Variants in CRB1 observed in about 807,000 individuals in gnomAD.
CRB1 encodes the protein crumbs cell polarity complex component 1.
In CRB1, 83 loss-of-function variants were observed where a neutral mutation model predicts 120.0. The observed-to-expected ratio is 0.69, with a 90% CI of 0.58 to 0.83. The LOEUF is 0.83. CRB1 is among the 40% of genes least tolerant of loss of function. The probability of loss-of-function intolerance (pLI) is 0.00; values close to 1 mark genes in which losing one functional copy is unlikely to be tolerated. For missense variants in CRB1, 1,699 were observed against 1,687.6 expected, an observed-to-expected ratio of 1.01 and a Z score of -0.12; for synonymous variants, 625 against 612.5, an observed-to-expected ratio of 1.02 and a Z score of -0.30.
At chr1:197,268,205 C>G, upstream of CRB1, 1 of 534,374 alleles carries the variant, frequency 1.9e-6, no homozygotes, top group Non-Finnish European at 3.4e-6. Context: ...TCACCCCATC[C>G]TCCCGTGTAA....
At chr1:197,353,864 C>T (rs79237084) in intron 4 of CRB1, among the ~76,000 whole-genome samples, 2,869 of 119,928 alleles carry the variant, frequency 0.024, 114 homozygotes, top group African/African-American at 0.081. Context: ...TACCACGTTA[C>T]AAAACACTTG....
At chr1:197,443,821 A>G (rs1665574052) in intron 11 of CRB1, 1 of 152,040 alleles carries the variant, frequency 6.6e-6, no homozygotes, top group South Asian at 2.1e-4. Context: ...AAACTTTCTT[A>G]ATGTTTTTAT....
intron 5 of CRB1, among the ~76,000 whole-genome samples, chr1:197,393,242 T>C (rs1662600462): frequency 6.6e-6 from 1 of 152,138 alleles, no homozygotes; most frequent in Non-Finnish European, 1.5e-5. Context: ...CAATGTGTTA[T>C]CTTTCTTTCT....
intron 5 of CRB1, among the ~76,000 whole-genome samples, chr1:197,395,593 G>A (rs1168729200): frequency 3.3e-5 from 5 of 152,024 alleles, no homozygotes; most frequent in African/African-American, 1.2e-4. Context: ...GGAACCCCAG[G>A]TCTTCTCTGT....
At chr1:197,218,907 A>G in the CRB1 span, among the ~76,000 whole-genome samples, 1 of 152,222 alleles carries the variant, frequency 6.6e-6, no homozygotes, top group African/African-American at 2.4e-5. Flanking sequence ...TATTTAGTGA[A>G]GAAGTTAAGA....
intron 2 of CRB1, among the ~76,000 whole-genome samples, chr1:197,331,795 T>C (rs1208421378): frequency 1.3e-5 from 2 of 152,248 alleles, no homozygotes; most frequent in Admixed American, 1.3e-4. Flanking sequence ...CTTGCAAAAC[T>C]ATATTTTACA....
intron 1 of CRB1, among the ~76,000 whole-genome samples, chr1:197,284,010 A>G (rs1655683695): frequency 6.6e-6 from 1 of 151,884 alleles, no homozygotes; most frequent in Non-Finnish European, 1.5e-5. Flanking sequence ...TTTCAATTAT[A>G]AGCTATGTGG....
At chr1:197,223,190 A>T in the CRB1 span, 1 of 1,161,322 alleles carries the variant, frequency 8.6e-7, no homozygotes, top group Non-Finnish European at 1.3e-6. Flanking sequence ...CAATATTTGG[A>T]ACATGGATCC....
intron 1 of CRB1, among the ~76,000 whole-genome samples, chr1:197,298,536 T>C (rs1656673893): frequency 6.6e-6 from 1 of 152,084 alleles, no homozygotes; most frequent in Non-Finnish European, 1.5e-5. Context: ...AATGAACAAG[T>C]TGATTCTAAA....
chr1:197,245,237 G>C, the CRB1 span, among the ~76,000 whole-genome samples: 14 of 152,038 alleles, frequency 9.2e-5, no homozygotes, highest in African/African-American at 3.4e-4. Context: ...ACAGGCCCCG[G>C]TGTGTGGAGA....
chr1:197,406,884 AG>A (rs1266007820), intron 5 of CRB1, among the ~76,000 whole-genome samples: 39 of 152,364 alleles, frequency 2.6e-4, no homozygotes, highest in African/African-American at 9.1e-4. Context: ...CAACAACTAA[AG>A]GTAGGTGGTG....
At chr1:197,315,668 A>C (rs1012366797) in intron 1 of CRB1, among the ~76,000 whole-genome samples, 1 of 152,212 alleles carries the variant, frequency 6.6e-6, no homozygotes, top group African/African-American at 2.4e-5. Flanking sequence ...ATCAACTTCC[A>C]CATATTTGTT....
At chr1:197,359,780 T>A (rs990732924) in intron 5 of CRB1, among the ~76,000 whole-genome samples, 5 of 152,338 alleles carry the variant, frequency 3.3e-5, no homozygotes, top group African/African-American at 1.2e-4. Context: ...CTGTTTTTTT[T>A]AATAGTCATG....
chr1:197,324,044 A>G (rs1571839533), intron 1 of CRB1, among the ~76,000 whole-genome samples: 1 of 152,176 alleles, frequency 6.6e-6, no homozygotes. Flanking sequence ...CTGACCTTCT[A>G]AAGAGGAGCT....
At chr1:197,209,613 G>T in the CRB1 span, among the ~76,000 whole-genome samples, 1 of 152,104 alleles carries the variant, frequency 6.6e-6, no homozygotes, top group Non-Finnish European at 1.5e-5. Flanking sequence ...CTCCCAAAGT[G>T]CTGGGATTAC....
intron 4 of CRB1, among the ~76,000 whole-genome samples, 175 bp downstream of exon 4, chr1:197,347,654 T>C (rs1366072707): frequency 6.6e-6 from 1 of 152,252 alleles, no homozygotes; most frequent in Non-Finnish European, 1.5e-5. Flanking sequence ...CTATACTAAA[T>C]GTTGTCTGAA....
At chr1:197,233,289 T>G in the CRB1 span, among the ~76,000 whole-genome samples, 1 of 152,204 alleles carries the variant, frequency 6.6e-6, no homozygotes, top group Non-Finnish European at 1.5e-5. Context: ...ATAGATACTA[T>G]AAACTCCGTC....
At chr1:197,209,646 C>T in the CRB1 span, among the ~76,000 whole-genome samples, 1 of 152,174 alleles carries the variant, frequency 6.6e-6, no homozygotes, top group Non-Finnish European at 1.5e-5. Flanking sequence ...CAACACCTGG[C>T]CTCTCCTGCG....
At chr1:197,453,504 G>GTA (rs1203581871) in intron 11 of CRB1, among the ~76,000 whole-genome samples, 11 of 138,672 alleles carry the variant, frequency 7.9e-5, no homozygotes, top group East Asian at 2.1e-4. Flanking sequence ...ATATATATGT[G>GTA]TATATATATG....
Sources: allele counts gnomAD v4.1 joint callset (sites outside exome capture counted in the v4.1 genomes callset), GRCh38; gene constraint gnomAD v4.1.1; transcripts MANE v1.5; gene names NCBI Gene and HGNC (gene_info 2026-07-23, HGNC 2026-07-21).